Variants in SORBS3 observed in about 807,000 individuals in gnomAD.
SORBS3 encodes vinexin.
In SORBS3, 69 loss-of-function variants were observed where a neutral mutation model predicts 98.0. The observed-to-expected ratio is 0.70, with a 90% CI of 0.58 to 0.86. The LOEUF (loss-of-function observed/expected upper bound fraction) is 0.86, where lower values mean the gene tolerates loss of function less well. Ranked by LOEUF, SORBS3 falls within the 40% of genes least tolerant of loss-of-function variation. SORBS3 has a pLI of 0.00. For missense variants in SORBS3, 954 were observed against 908.5 expected, an observed-to-expected ratio of 1.05 and a Z score of -0.64; for synonymous variants, 394 against 355.4, an observed-to-expected ratio of 1.11 and a Z score of -1.22.
Position 22,566,464 on chromosome 8 carries a change from T to A in SORBS3, c.1070T>A (p.Val357Asp), listed in dbSNP as rs1351407307. 1 of 1,613,892 alleles carries A rather than the reference T, an allele frequency of 6.2e-7. No homozygotes were observed. The highest frequency in any genetic ancestry group is 2.2e-5 in the East Asian group (1 of 44,866). Residue 357 changes from valine (V) to aspartate (D), a missense_variant, in exon 13 of 21, where the codon GTC (valine) becomes GAC (aspartate). Physicochemically the swap from Val to Asp is radical, Grantham distance 152. Transcript: ENST00000240123. Reference protein sequence around the residue: ...GSPFLGRRDFVYPSSTRDPSA... With the variant: ...GSPFLGRRDFDYPSSTRDPSA... Reference sequence around the variant, plus strand: ...CCCTTCCTAGGTCGGAGGGACTTTGTCTACCCTTCCTCAACCCGAGGTAAG... The same window carrying A: ...CCCTTCCTAGGTCGGAGGGACTTTGACTACCCTTCCTCAACCCGAGGTAAG...
In SORBS3 at chr8:22,563,113, C is replaced by T. The variant is rs551429243; in HGVS notation, c.585-874C>T. 1.1e-3 allele frequency among the ~76,000 whole-genome samples: 166 copies of T among 149,522 alleles called. 1 individual carries two copies. The highest frequency in any genetic ancestry group is 2.7e-3 in the South Asian group (13 of 4,742). On this transcript the variant is annotated intron_variant, in intron 7 of 20. Coordinates refer to ENST00000240123, the MANE Select transcript of SORBS3 (RefSeq NM_005775.5). ...CAGCCTGGGCGACAGAGCGAGACTC[C>T]GTATCAAAAAAAAAAAAAATTATGA...
Position 22,554,868 on chromosome 8 carries a change from C to G in SORBS3, c.108C>G (p.Pro36=), listed in dbSNP as rs207468998. The G allele has an allele frequency of 6.2e-7, 1 of 1,613,202 alleles. No homozygotes were observed. Among genetic ancestry groups the G allele is most frequent in the South Asian group, 1.1e-5 (1 of 91,072 alleles). ...IGSSSRGTRV[P]VIRNGGSNTL... ...CTCCTGGCCCCTCCCCGCAGGTGCC[C>G]GTGATCCGGAATGGTGGCTCCAACA... Residue 36 remains proline, a synonymous_variant, in exon 3 of 21, where the codon CCC becomes CCG. Transcript: ENST00000240123. The surrounding 1 kb of genome is among the most constrained non-coding windows in gnomAD (Gnocchi z 6.5).
At position 22,574,966 on chromosome 8, in the gene SORBS3, A is replaced by T; in HGVS notation, c.*238A>T. The stretch of plus-strand genomic sequence containing the variant: ...TCATTTCCTCCCCACCCCACTCCCC[A>T]AATACAGAGGTCTGCTTTGAAGCGG... On this transcript the variant is annotated 3_prime_UTR_variant, in exon 21 of 21. Transcript: ENST00000240123. 1.5e-6 allele frequency: 1 copy of T among 653,060 alleles called. No individual in the cohort carries two copies. Among genetic ancestry groups the T allele is most frequent in the Non-Finnish European group, 2.8e-6 (1 of 359,520 alleles). The allele number at this position is 653,060 out of a possible 1,614,324, so 40.5% of individuals were successfully genotyped here. A position where few individuals can be genotyped will look rare whatever the true frequency, so the allele number is the denominator to read the frequency against.
upstream of SORBS3, among the ~76,000 whole-genome samples, chr8:22,551,072 G>T (rs896276465): frequency 2.0e-5 from 3 of 152,226 alleles, no homozygotes; most frequent in Middle Eastern, 3.2e-3. This position sits in a 1 kb window ranked among gnomAD's most constrained non-coding sequence, Gnocchi z 5.8. Context: ...AAAGCAGGCA[G>T]ATCAAAACAA....
Position 22,554,174 on chromosome 8 carries a change from C to T in SORBS3, c.-55-278C>T, listed in dbSNP as rs893589952. 2.6e-5 allele frequency: 6 copies of T among 231,228 alleles called. No homozygotes were observed. Among genetic ancestry groups the T allele is most frequent in the African/African-American group, 6.9e-5 (3 of 43,714 alleles). The allele number at this position is 231,228 out of a possible 1,614,324, so 14.3% of individuals were successfully genotyped here. ...CCCCACGGGCTCCTGGCCAGCCCCT[C>T]CCCTCCTCCTCACCCAAGCTCCCCC... On this transcript the variant is annotated intron_variant, in intron 1 of 20. Coordinates refer to ENST00000240123, the MANE Select transcript of SORBS3 (RefSeq NM_005775.5). This position sits in a 1 kb window ranked among gnomAD's most constrained non-coding sequence, Gnocchi z 6.5.
chr8:22,569,725 T>G (rs931824089), intron 17 of SORBS3, among the ~76,000 whole-genome samples: 1 of 152,178 alleles, frequency 6.6e-6, no homozygotes, highest in Non-Finnish European at 1.5e-5. Context: ...TTATGCTTCC[T>G]TTAGTGTAGT....
chr8:22,554,015 C>T lies in SORBS3; in HGVS notation c.-55-437C>T, dbSNP rs1228031083. 1.3e-5 allele frequency among the ~76,000 whole-genome samples: 2 copies of T among 152,232 alleles called. No individual in the cohort carries two copies. Among genetic ancestry groups the T allele is most frequent in the Non-Finnish European group, 2.9e-5 (2 of 68,020 alleles). On this transcript the variant is annotated intron_variant, in intron 1 of 20. Transcript: ENST00000240123. This position sits in a 1 kb window ranked among gnomAD's most constrained non-coding sequence, Gnocchi z 6.5. ...TGTGCCCGCAGGCAAGAGATGCCCA[C>T]ACGGCCTGGGGGAGGCAGAGGGAAC...
At chr8:22,569,301 G>T (rs1471489032) in intron 17 of SORBS3, 28 bp downstream of exon 17, 1 of 1,551,866 alleles carries the variant, frequency 6.4e-7, no homozygotes, top group African/African-American at 1.4e-5. Flanking sequence ...CGGAGGGGTG[G>T]GTGGGGGCAG....
At chr8:22,573,484 A>G (rs1840643359) in intron 20 of SORBS3, 5 of 446,026 alleles carry the variant, frequency 1.1e-5, no homozygotes, top group Admixed American at 2.4e-5. Flanking sequence ...TAAATTAAAA[A>G]TCCAGTTCCT....
At position 22,554,270 on chromosome 8, in the gene SORBS3, G is replaced by C. The variant is rs1260200747; in HGVS notation, c.-55-182G>C. The C allele has an allele frequency of 1.8e-5, 9 of 496,322 alleles. No individual in the cohort carries two copies. The highest frequency in any genetic ancestry group is 3.1e-5 in the Non-Finnish European group (9 of 292,798). 30.7% of individuals were successfully genotyped at this position (496,322 alleles called of 1,614,324 possible). On this transcript the variant is annotated intron_variant, in intron 1 of 20. Transcript: ENST00000240123. This position sits in a 1 kb window ranked among gnomAD's most constrained non-coding sequence, Gnocchi z 6.5. ...TCCATTGTGCCCCTGGGAGCCGGCA[G>C]GCACGGGCAGCCTGCAGGCGGGTGC...
At chr8:22,572,596 G>A (rs774950740) in intron 20 of SORBS3, 150 bp downstream of exon 20, 3 of 667,170 alleles carry the variant, frequency 4.5e-6, no homozygotes, top group Non-Finnish European at 7.9e-6. Context: ...CCTGGCACCC[G>A]ATGCTTCCCC....
In SORBS3 at chr8:22,569,086, C is replaced by A. The variant is rs927409250; in HGVS notation, c.1306-62C>A. ...CCTTCTCTTTGCTGTCTCACAGGAA[C>A]CCCCAGCCTGTGCTATGTTGATGCC... is the stretch of plus-strand genomic sequence containing the variant. On this transcript the variant is annotated intron_variant, in intron 16 of 20. Coordinates refer to ENST00000240123, the MANE Select transcript of SORBS3 (RefSeq NM_005775.5). 5 of 1,499,658 alleles carry A rather than the reference C, an allele frequency of 3.3e-6. No homozygotes were observed. The Admixed American group carries it at 8.3e-5, about 25-fold the overall frequency. The allele number at this position is 1,499,658 out of a possible 1,614,324, so 92.9% of individuals were successfully genotyped here.
intron 19 of SORBS3, 150 bp from the exon 20 acceptor site, chr8:22,572,190 C>A: frequency 1.5e-6 from 1 of 682,220 alleles, no homozygotes; most frequent in East Asian, 2.6e-5. Context: ...CTGGGAAAGA[C>A]TACGGTGAGC....
In SORBS3 at chr8:22,568,721, C is replaced by T. The variant is rs186560283; in HGVS notation, c.1306-427C>T. ...GCTGGGGTAGATGGGGAGGAAGAAC[C>T]GAGACGCTGGAACCCAGGGACACCC... On this transcript the variant is annotated intron_variant, in intron 16 of 20. Transcript: ENST00000240123. Among the ~76,000 whole-genome samples, 6 of 152,270 alleles carry T rather than the reference C, an allele frequency of 3.9e-5. No individual in the cohort carries two copies. In the East Asian group the frequency reaches 5.8e-4, roughly 15 times the overall value.
rs994517542 is a variant in SORBS3 at position 22,554,615 on chromosome 8, G to T, written c.102+7G>T. On this transcript the variant is annotated splice_region_variant and intron_variant, in intron 2 of 20. Coordinates refer to ENST00000240123, the MANE Select transcript of SORBS3 (RefSeq NM_005775.5). The surrounding 1 kb of genome is among the most constrained non-coding windows in gnomAD (Gnocchi z 6.5). ...TTCCTCCCGGGGGACACGGGTGAGT[G>T]AGTCAGTAGGGAGGAGGGTGTCCTG... 3 of 1,610,080 alleles carry T rather than the reference G, an allele frequency of 1.9e-6. No individual in the cohort carries two copies. Among genetic ancestry groups the T allele is most frequent in the Non-Finnish European group, 8.5e-7 (1 of 1,179,262 alleles).
intron 11 of SORBS3, 139 bp from the exon 12 acceptor site, chr8:22,565,687 G>C (rs918083789): frequency 1.4e-4 from 175 of 1,212,906 alleles, no homozygotes; most frequent in Non-Finnish European, 1.7e-4. Context: ...CCCGGGATCG[G>C]CCGCGCGGGC....
At chr8:22,567,367 G>T (rs1162015028) in intron 16 of SORBS3, among the ~76,000 whole-genome samples, 192 bp downstream of exon 16, 1 of 152,236 alleles carries the variant, frequency 6.6e-6, no homozygotes, top group African/African-American at 2.4e-5. Context: ...TGCTAAATGA[G>T]GGTGGAGCCT....
At position 22,567,050 on chromosome 8, in the gene SORBS3, C is replaced by T; in HGVS notation, c.1191-11C>T. ...TTCAGCTTACCCTGCGGTCCTCGTC[C>T]CCACCTGCAGGGAGCTGACTCTGCA... On this transcript the variant is annotated splice_polypyrimidine_tract_variant and intron_variant, in intron 15 of 20. Coordinates refer to ENST00000240123, the MANE Select transcript of SORBS3 (RefSeq NM_005775.5). 5.0e-6 allele frequency: 8 copies of T among 1,606,658 alleles called. No individual in the cohort carries two copies. Among genetic ancestry groups the T allele is most frequent in the Non-Finnish European group, 6.8e-6 (8 of 1,174,298 alleles).
chr8:22,553,384 C>T (rs936853996), intron 1 of SORBS3, among the ~76,000 whole-genome samples: 2 of 152,228 alleles, frequency 1.3e-5, no homozygotes, highest in African/African-American at 4.8e-5. Context: ...AGTGGCAGAG[C>T]TTGGCTGTTT....
Sources: gnomAD v4.1 joint callset for allele counts (sites outside exome capture counted in the v4.1 genomes callset) on GRCh38, gnomAD v4.1.1 for gene constraint, Gnocchi (gnomAD v3.1) non-coding constraint, MANE v1.5 for transcripts, NCBI Gene and HGNC (gene_info 2026-07-23, HGNC 2026-07-21) for gene names.